The following ATXN10 variants were observed in gnomAD, a reference collection of about 807,000 sequenced individuals.
The protein encoded by ATXN10 is ataxin 10, also known as ataxin-10.
ATXN10 carries 28 observed loss-of-function variants against 52.9 expected under a neutral mutation model. The observed-to-expected ratio is 0.53, with a 90% CI of 0.39 to 0.73. The LOEUF is 0.73. Ranked by LOEUF, ATXN10 falls within the 30% of genes least tolerant of loss-of-function variation. The pLI, the probability that ATXN10 is intolerant of heterozygous loss-of-function variation, is 0.00. For synonymous variants in ATXN10, 226 were observed against 221.5 expected (o/e 1.02, Z -0.18); for missense variants, 565 against 577.0 (o/e 0.98, Z 0.21).
At position 45,714,043 on chromosome 22, in the gene ATXN10, A is replaced by G. The variant is rs191009886; in HGVS notation, c.648-4370A>G. On this transcript the variant is annotated intron_variant, in intron 5 of 11. Transcript: ENST00000252934. ...TCTGGGTCAAAAGGAATGTACTGTT[A>G]TAATTTTGACAAACACTTCAGGTTG... Among the ~76,000 whole-genome samples, 6 of 152,326 alleles carry G rather than the reference A, an allele frequency of 3.9e-5. No individual in the cohort carries two copies. The South Asian group carries it at 8.3e-4, about 21-fold the overall frequency.
chr22:45,727,520 G>T lies in ATXN10; in HGVS notation c.729-1905G>T, dbSNP rs1924927927. ...TTACAGGCCCCTGCCACCACGGCTG[G>T]CTAGTTGTTTTTGTATTTTTAGTAG... On this transcript the variant is annotated intron_variant, in intron 6 of 11. Coordinates refer to ENST00000252934, the MANE Select transcript of ATXN10 (RefSeq NM_013236.4). This position sits in a 1 kb window ranked among gnomAD's most constrained non-coding sequence, Gnocchi z 4.6. 6.6e-6 allele frequency among the ~76,000 whole-genome samples: 1 copy of T among 151,948 alleles called. No homozygotes were observed. Among genetic ancestry groups the T allele is most frequent in the Non-Finnish European group, 1.5e-5 (1 of 67,996 alleles).
intron 5 of ATXN10, among the ~76,000 whole-genome samples, chr22:45,714,101 C>T (rs560239242): frequency 7.9e-5 from 12 of 152,178 alleles, no homozygotes; most frequent in Non-Finnish European, 1.3e-4. Context: ...TGTCAACTCC[C>T]CTGTCCCACA....
intron 1 of ATXN10, 27 bp from the exon 2 acceptor site, chr22:45,689,685 A>G: frequency 2.5e-6 from 4 of 1,601,230 alleles, no homozygotes; most frequent in Non-Finnish European, 3.4e-6. Context: ...TTTTTTTCTG[A>G]TTCGTGATAA....
chr22:45,717,364 G>A (rs1924486766), intron 5 of ATXN10, among the ~76,000 whole-genome samples: 1 of 152,114 alleles, frequency 6.6e-6, no homozygotes, highest in South Asian at 2.1e-4. Flanking sequence ...ATTCTTATGG[G>A]AAAATGCTTT....
intron 5 of ATXN10, among the ~76,000 whole-genome samples, chr22:45,710,658 C>T (rs1397379781): frequency 5.9e-5 from 9 of 152,140 alleles, no homozygotes; most frequent in Non-Finnish European, 1.5e-5. Flanking sequence ...CGGCCCACTG[C>T]TTCTTTTTAT....
rs143362216 is a variant in ATXN10 at position 45,752,264 on chromosome 22, T to C, written c.1173+11726T>C. 4.6e-5 allele frequency among the ~76,000 whole-genome samples: 7 copies of C among 152,262 alleles called. No homozygotes were observed. The East Asian group carries it at 1.3e-3, about 29-fold the overall frequency. On this transcript the variant is annotated intron_variant, in intron 9 of 11. Transcript: ENST00000252934. ...CAGAAATGGATTTGGCCTACTGTTC[T>C]CTCGAGGAATTCACAGTGTAAAGAA...
At position 45,789,533 on chromosome 22, in the gene ATXN10, C is replaced by T. The variant is rs1927434404; in HGVS notation, c.1174-17426C>T. On this transcript the variant is annotated intron_variant, in intron 9 of 11. Transcript: ENST00000252934. The surrounding 1 kb of genome is among the most constrained non-coding windows in gnomAD (Gnocchi z 4.0). ...ACCATGGACGCTATACAGCTCAACT[C>T]AAAGAGGGATTCAATTGTCACCGCC... Among the ~76,000 whole-genome samples the T allele has an allele frequency of 6.6e-6, 1 of 152,148 alleles. No individual in the cohort carries two copies. Among genetic ancestry groups the T allele is most frequent in the Non-Finnish European group, 1.5e-5 (1 of 68,038 alleles).
rs981408514 is a variant in ATXN10 at position 45,787,595 on chromosome 22, A to G, written c.1174-19364A>G. Among the ~76,000 whole-genome samples, 1 of 152,154 alleles carries G rather than the reference A, an allele frequency of 6.6e-6. No individual in the cohort carries two copies. Among genetic ancestry groups the G allele is most frequent in the African/African-American group, 2.4e-5 (1 of 41,424 alleles). ...CGTCTTGAGTTGAACGTTCTCATCA[A>G]TACTTTGGTGGCTCTTCCCATATCC... On this transcript the variant is annotated intron_variant, in intron 9 of 11. Coordinates refer to ENST00000252934, the MANE Select transcript of ATXN10 (RefSeq NM_013236.4). The surrounding 1 kb of genome is among the most constrained non-coding windows in gnomAD (Gnocchi z 4.2).
rs372470583 is a variant in ATXN10 at position 45,731,296 on chromosome 22, A to G, written c.894+1706A>G. ...CTGTAGCAGGCCAGATATATCGGTCATGACAGAAAATAGATCAGATGTCAC... is the reference window on the plus strand; with the variant it reads ...CTGTAGCAGGCCAGATATATCGGTCGTGACAGAAAATAGATCAGATGTCAC... On this transcript the variant is annotated intron_variant, in intron 7 of 11. Coordinates refer to ENST00000252934, the MANE Select transcript of ATXN10 (RefSeq NM_013236.4). 7.2e-5 allele frequency among the ~76,000 whole-genome samples: 11 copies of G among 152,330 alleles called. No homozygotes were observed. The South Asian group carries it at 1.7e-3, about 23-fold the overall frequency.
chr22:45,749,036 G>T (rs1042260429), intron 9 of ATXN10, among the ~76,000 whole-genome samples: 1 of 152,150 alleles, frequency 6.6e-6, no homozygotes, highest in African/African-American at 2.4e-5. Context: ...TATTTAAAAA[G>T]AAGAATGATA....
chr22:45,755,926 A>G (rs1188562417), intron 9 of ATXN10, among the ~76,000 whole-genome samples: 1 of 152,148 alleles, frequency 6.6e-6, no homozygotes, highest in Non-Finnish European at 1.5e-5. Flanking sequence ...CACACAGCCA[A>G]TCAAGGGTGC....
Position 45,700,293 on chromosome 22 carries a change from G to A in ATXN10, c.403G>A (p.Gly135Ser). ...TTATATATTCTTAGCTTTTCGCTGTGGCCTGCAGTTTTTAGGCAACATTGC... is the reference window on the plus strand; with the variant it reads ...TTATATATTCTTAGCTTTTCGCTGTAGCCTGCAGTTTTTAGGCAACATTGC... ...QESLLTAFRC[G>S]LQFLGNIASR... The change falls in exon 4 of 12, where the codon GGC (glycine) becomes AGC (serine). Residue 135 changes from glycine (G) to serine (S), a missense_variant. Gly to Ser is a moderately conservative substitution (Grantham distance 56). Coordinates refer to ENST00000252934, the MANE Select transcript of ATXN10 (RefSeq NM_013236.4). The A allele has an allele frequency of 1.2e-6, 2 of 1,611,380 alleles. No homozygotes were observed. Among genetic ancestry groups the A allele is most frequent in the East Asian group, 4.5e-5 (2 of 44,864 alleles).
At chr22:45,821,331 G>A (rs1242550866) in intron 10 of ATXN10, among the ~76,000 whole-genome samples, 1 of 142,498 alleles carries the variant, frequency 7.0e-6, no homozygotes, top group Non-Finnish European at 1.5e-5. Context: ...GGGCAACTTA[G>A]TGAGACCCGT....
rs1926717121 is a variant in ATXN10 at position 45,769,893 on chromosome 22, T to G, written c.1173+29355T>G. On this transcript the variant is annotated intron_variant, in intron 9 of 11. Transcript: ENST00000252934. The surrounding 1 kb of genome is among the most constrained non-coding windows in gnomAD (Gnocchi z 4.2). ...AAAAATTTTCTGATGAAATGTAAGT[T>G]ATAAACATGTTGGTTGAATAAAAAT... 6.6e-6 allele frequency among the ~76,000 whole-genome samples: 1 copy of G among 152,212 alleles called. No individual in the cohort carries two copies. Among genetic ancestry groups the G allele is most frequent in the African/African-American group, 2.4e-5 (1 of 41,452 alleles).
At position 45,787,414 on chromosome 22, in the gene ATXN10, C is replaced by T. The variant is rs1443048084; in HGVS notation, c.1174-19545C>T. ...TGATCTGCCTCCTGGCCCCTTTTCC[C>T]TCAAGGCACTAGGGAGACAGGAGGG... On this transcript the variant is annotated intron_variant, in intron 9 of 11. Transcript: ENST00000252934. This position sits in a 1 kb window ranked among gnomAD's most constrained non-coding sequence, Gnocchi z 4.2. Among the ~76,000 whole-genome samples the T allele has an allele frequency of 6.6e-6, 1 of 152,154 alleles. No individual in the cohort carries two copies. The highest frequency in any genetic ancestry group is 2.4e-5 in the African/African-American group (1 of 41,438).
chr22:45,702,904 T>C (rs541862384), intron 5 of ATXN10, 57 bp downstream of exon 5: 1 of 1,605,284 alleles, frequency 6.2e-7, no homozygotes, highest in South Asian at 1.1e-5. Context: ...ATCACTTTCC[T>C]TGCAGAGGTT....
intron 6 of ATXN10, among the ~76,000 whole-genome samples, chr22:45,719,456 G>A (rs1408539204): frequency 6.6e-6 from 1 of 151,982 alleles, no homozygotes; most frequent in Non-Finnish European, 1.5e-5. Context: ...CAATTCCAGT[G>A]CTTCTTTCCC....
At chr22:45,698,487 A>T (rs1923709042) in intron 3 of ATXN10, among the ~76,000 whole-genome samples, 1 of 152,204 alleles carries the variant, frequency 6.6e-6, no homozygotes, top group Non-Finnish European at 1.5e-5. Flanking sequence ...GTAGAGTTGT[A>T]AAGGTTTTCT....
chr22:45,758,166 G>T (rs1049211619), intron 9 of ATXN10, among the ~76,000 whole-genome samples: 1 of 152,206 alleles, frequency 6.6e-6, no homozygotes, highest in Admixed American at 6.5e-5. Context: ...CCCGCCTGAC[G>T]TTTGGCTCAG....
Sources: allele counts gnomAD v4.1 joint callset (sites outside exome capture counted in the v4.1 genomes callset), GRCh38; gene constraint gnomAD v4.1.1; non-coding constraint Gnocchi (gnomAD v3.1); transcripts MANE v1.5; gene names NCBI Gene and HGNC (gene_info 2026-07-23, HGNC 2026-07-21).